Variants in ADGRL1 observed in about 807,000 individuals in gnomAD.
ADGRL1 encodes CIRL-1.
ADGRL1 carries 31 observed loss-of-function variants against 148.9 expected under a neutral mutation model. The observed-to-expected ratio is 0.21, with a 90% CI of 0.16 to 0.28. The LOEUF is 0.28. Ranked by LOEUF, ADGRL1 falls within the 10% of genes least tolerant of loss-of-function variation. The pLI is 1.00. For synonymous variants in ADGRL1, 937 were observed against 900.3 expected (o/e 1.04, Z -0.73); for missense variants, 1,521 against 2,058.8 (o/e 0.74, Z 5.05).
intron 3 of ADGRL1, among the ~76,000 whole-genome samples, chr19:14,171,538 C>T (rs1970471040): frequency 6.6e-6 from 1 of 152,202 alleles, no homozygotes; most frequent in Non-Finnish European, 1.5e-5. Context: ...GACTTTAAAG[C>T]CCCTGCGCTG....
Position 14,160,599 on chromosome 19 carries a change from G to A in ADGRL1, c.1608C>T (p.Ala536=). The change falls in exon 7 of 23, where the codon GCC becomes GCT. Residue 536 remains alanine (A), a synonymous_variant. Transcript: ENST00000361434. This position sits in a 1 kb window ranked among gnomAD's most constrained non-coding sequence, Gnocchi z 5.9. ...NCTSPWVNQV[A]QKIKSGENAA... The stretch of plus-strand genomic sequence containing the variant: ...GAGGGGTGGTGGCTGGTACCTTCTG[G>A]GCCACCTGGTTGACCCAGGGGGAGG... 1 of 1,605,710 alleles carries A rather than the reference G, an allele frequency of 6.2e-7. No homozygotes were observed.
chr19:14,205,509 G>A (rs1446037140), intron 1 of ADGRL1, among the ~76,000 whole-genome samples: 2 of 151,702 alleles, frequency 1.3e-5, no homozygotes, highest in Admixed American at 1.3e-4. Context: ...CGGCTCCTCT[G>A]GGGCGCGGGG....
At position 14,191,522 on chromosome 19, in the gene ADGRL1, C is replaced by T. The variant is rs186301953; in HGVS notation, c.-95-7825G>A. ...TGCCATAACAAAGTGCCATAGACTG[C>T]GCGGCTTACACAGCAGAAATTTACT... On this transcript the variant is annotated intron_variant, in intron 1 of 22. Coordinates refer to ENST00000361434, the MANE Select transcript of ADGRL1 (RefSeq NM_014921.5). 1.1e-3 allele frequency: 475 copies of T among 450,056 alleles called. 1 individual carries two copies. The highest frequency in any genetic ancestry group is 1.5e-3 in the Non-Finnish European group (337 of 221,762). The allele number at this position is 450,056 out of a possible 1,614,324, so 27.9% of individuals were successfully genotyped here.
Position 14,151,502 on chromosome 19 carries a change from G to A in ADGRL1, c.3781C>T (p.Pro1261Ser), listed in dbSNP as rs757972397. Reference sequence around the variant, plus strand: ...AGGTTCCGGCCTCGGGGCGGCTCAGGGCCCCCATCCCCGGGAGGGAAATCC... The same window carrying A: ...AGGTTCCGGCCTCGGGGCGGCTCAGAGCCCCCATCCCCGGGAGGGAAATCC... ...SGDFPPGDGG[P>S]EPPRGRNLAD... is the part of the protein sequence containing the mutation. Residue 1261 changes from proline to serine, a missense_variant, in exon 23 of 23, where the codon CCT becomes TCT. This residue lies in a region of ADGRL1 where 390 missense variants were observed against 375.0 expected (regional missense o/e 1.04). Transcript: ENST00000361434. 2 of 1,611,178 alleles carry A rather than the reference G, an allele frequency of 1.2e-6. No individual in the cohort carries two copies. Among genetic ancestry groups the A allele is most frequent in the Non-Finnish European group, 8.5e-7 (1 of 1,178,986 alleles).
intron 2 of ADGRL1, among the ~76,000 whole-genome samples, chr19:14,178,408 G>T (rs1970965174): frequency 6.6e-6 from 1 of 152,098 alleles, no homozygotes; most frequent in African/African-American, 2.4e-5. Flanking sequence ...GGGAGGCTGA[G>T]GTGGGAGGAT....
At position 14,160,082 on chromosome 19, in the gene ADGRL1, T is replaced by A; in HGVS notation, c.1800+30A>T. On this transcript the variant is annotated intron_variant, in intron 8 of 22. Transcript: ENST00000361434. This position sits in a 1 kb window ranked among gnomAD's most constrained non-coding sequence, Gnocchi z 5.9. ...CCCCTGGGGGCAGGCGCCCTCCCCATACCAGGTCAGCGCCACCGCCAGGCC... is the reference window on the plus strand; with the variant it reads ...CCCCTGGGGGCAGGCGCCCTCCCCAAACCAGGTCAGCGCCACCGCCAGGCC... 6.4e-7 allele frequency: 1 copy of A among 1,552,784 alleles called. No homozygotes were observed. The highest frequency in any genetic ancestry group is 1.8e-5 in the Admixed American group (1 of 56,728).
Position 14,162,018 on chromosome 19 carries a change from G to A in ADGRL1, c.1196-392C>T, listed in dbSNP as rs934381531. Among the ~76,000 whole-genome samples, 9 of 152,110 alleles carry A rather than the reference G, an allele frequency of 5.9e-5. No homozygotes were observed. The highest frequency in any genetic ancestry group is 1.2e-4 in the African/African-American group (5 of 41,424). On this transcript the variant is annotated intron_variant, in intron 5 of 22. Coordinates refer to ENST00000361434, the MANE Select transcript of ADGRL1 (RefSeq NM_014921.5). The surrounding 1 kb of genome is among the most constrained non-coding windows in gnomAD (Gnocchi z 5.4). The stretch of plus-strand genomic sequence containing the variant: ...CTGAATACCACCGCCCCCCATCCTC[G>A]TTCTAGCTGACTTTGGCTTATGTAA...
Position 14,162,106 on chromosome 19 carries a change from GATCGGGCTCCCTGGAGCCCT to G in ADGRL1, c.1195+480_1196-481del, listed in dbSNP as rs908673435. On this transcript the variant is annotated intron_variant, in intron 5 of 22. Coordinates refer to ENST00000361434, the MANE Select transcript of ADGRL1 (RefSeq NM_014921.5). The surrounding 1 kb of genome is among the most constrained non-coding windows in gnomAD (Gnocchi z 5.4). ...CCCTTTTGCAAACAAGATGGGGTTA[GATCGGGCTCCCTGGAGCCCT>G]GGGGTGGCACAGAGCTAGCAGGGCA... Among the ~76,000 whole-genome samples the G allele has an allele frequency of 6.6e-6, 1 of 152,250 alleles. No individual in the cohort carries two copies. Among genetic ancestry groups the G allele is most frequent in the African/African-American group, 2.4e-5 (1 of 41,470 alleles).
chr19:14,174,519 T>G (rs1023716629), intron 3 of ADGRL1, among the ~76,000 whole-genome samples: 2 of 146,860 alleles, frequency 1.4e-5, no homozygotes, highest in Admixed American at 6.9e-5. Flanking sequence ...GACCCGCTCC[T>G]CCCCTGGTAA....
intron 1 of ADGRL1, among the ~76,000 whole-genome samples, chr19:14,200,148 T>G (rs1972505591): frequency 6.6e-6 from 1 of 152,064 alleles, no homozygotes; most frequent in South Asian, 2.1e-4. Flanking sequence ...TTCAGGAGAG[T>G]TAGAAGAGCA....
chr19:14,153,346 G>C (rs1968401679), intron 18 of ADGRL1, among the ~76,000 whole-genome samples: 1 of 151,870 alleles, frequency 6.6e-6, no homozygotes, highest in Non-Finnish European at 1.5e-5. Flanking sequence ...GATGCTGTTA[G>C]GTGCTGCGGA....
intron 1 of ADGRL1, among the ~76,000 whole-genome samples, chr19:14,201,293 AGTTTTTTT>A (rs1449919703): frequency 4.6e-5 from 4 of 87,360 alleles, no homozygotes; most frequent in African/African-American, 1.6e-4. Context: ...GGCTATTCTG[AGTTTTTTT>A]GTTTTTTTTT....
At chr19:14,181,582 T>C (rs1214323358) in intron 2 of ADGRL1, among the ~76,000 whole-genome samples, 1 of 152,004 alleles carries the variant, frequency 6.6e-6, no homozygotes, top group Non-Finnish European at 1.5e-5. Context: ...TAGCCGGGCA[T>C]GGTGGCAGGC....
In ADGRL1 at chr19:14,150,086, A is replaced by G. The variant is rs1968019156; in HGVS notation, c.*787T>C. The G allele has an allele frequency of 6.6e-6, 1 of 152,352 alleles. No homozygotes were observed. Among genetic ancestry groups the G allele is most frequent in the African/African-American group, 2.4e-5 (1 of 41,404 alleles). 9.4% of individuals were successfully genotyped at this position (152,352 alleles called of 1,614,324 possible). A position where few individuals can be genotyped will look rare whatever the true frequency, so the allele number is the denominator to read the frequency against. On this transcript the variant is annotated 3_prime_UTR_variant, in exon 23 of 23. Transcript: ENST00000361434. ...GATCCAGACCCAAAATCTGCTCCCC[A>G]GATAGCCGAGCCCACAGGACTGGGA...
In ADGRL1 at chr19:14,155,590, T is replaced by TCCC. The variant is rs758069081; in HGVS notation, c.3126-66_3126-64dup. The TCCC allele has an allele frequency of 3.2e-6, 5 of 1,561,194 alleles. No individual in the cohort carries two copies. The highest frequency in any genetic ancestry group is 4.4e-6 in the Non-Finnish European group (5 of 1,142,306). On this transcript the variant is annotated intron_variant, in intron 17 of 22. Transcript: ENST00000361434. The surrounding 1 kb of genome is among the most constrained non-coding windows in gnomAD (Gnocchi z 5.0). ...GGAGGGGACGGCCTCAGCCCAGGCC[T>TCCC]CCCCTGCAGCCTACAACGGGGGCCC...
At chr19:14,178,929 A>G (rs1971004265) in intron 2 of ADGRL1, among the ~76,000 whole-genome samples, 1 of 152,034 alleles carries the variant, frequency 6.6e-6, no homozygotes, top group African/African-American at 2.4e-5. Context: ...CACACCTGTA[A>G]TCCCCGCACT....
In ADGRL1 at chr19:14,150,787, C is replaced by A; in HGVS notation, c.*86G>T. On this transcript the variant is annotated 3_prime_UTR_variant, in exon 23 of 23. Transcript: ENST00000361434. ...GAGAGAGTGGCCCACCAGCCACTGC[C>A]TCCATCTGTCTCCCTCTCCCACCAG... is the stretch of plus-strand genomic sequence containing the variant. 6.7e-7 allele frequency: 1 copy of A among 1,499,860 alleles called. No homozygotes were observed. Among genetic ancestry groups the A allele is most frequent in the South Asian group, 1.2e-5 (1 of 80,198 alleles). 92.9% of individuals were successfully genotyped at this position (1,499,860 alleles called of 1,614,324 possible).
At chr19:14,204,718 GAGA>G (rs1972856045) in intron 1 of ADGRL1, among the ~76,000 whole-genome samples, 1 of 62,656 alleles carries the variant, frequency 1.6e-5, no homozygotes, top group Non-Finnish European at 3.3e-5. Flanking sequence ...GAGAGTGAGA[GAGA>G]GAGAGAGAGA....
intron 4 of ADGRL1, chr19:14,170,473 G>T (rs1430603855): frequency 2.2e-5 from 11 of 509,648 alleles, no homozygotes; most frequent in Non-Finnish European, 3.6e-6. Context: ...CACAGGAGGG[G>T]ACAGAGTCTG....
Sources: allele counts gnomAD v4.1 joint callset (sites outside exome capture counted in the v4.1 genomes callset), GRCh38; gene constraint gnomAD v4.1.1; regional missense constraint gnomAD v4.1.1; non-coding constraint Gnocchi (gnomAD v3.1); transcripts MANE v1.5; gene names NCBI Gene and HGNC (gene_info 2026-07-23, HGNC 2026-07-21).